The following GRM7 variants were observed in gnomAD, a reference collection of about 807,000 sequenced individuals.
GRM7 encodes the protein metabotropic glutamate receptor 7.
A neutral mutation model predicts 84.5 loss-of-function variants in GRM7; 35 were observed. The observed-to-expected ratio is 0.41, with a 90% CI of 0.32 to 0.55. The LOEUF is 0.55. GRM7 is among the 20% of genes least tolerant of loss of function. GRM7 has a pLI of 0.19. For synonymous variants in GRM7, 487 were observed against 455.1 expected, an observed-to-expected ratio of 1.07 and a Z score of -0.89; for missense variants, 1,003 against 1,194.6, an observed-to-expected ratio of 0.84 and a Z score of 2.36.
chr3:7,489,856 T>G (rs1699458000), intron 7 of GRM7, among the ~76,000 whole-genome samples: 1 of 151,918 alleles, frequency 6.6e-6, no homozygotes, highest in South Asian at 2.1e-4. Flanking sequence ...AACAGCATAT[T>G]ATAAATAATA....
At chr3:7,069,826 C>T (rs73808632) in intron 1 of GRM7, among the ~76,000 whole-genome samples, 18,359 of 152,026 alleles carry the variant, frequency 0.12, 1,627 homozygotes, top group African/African-American at 0.25. Flanking sequence ...ATGGTATACT[C>T]TGGTCTGGCT....
intron 1 of GRM7, among the ~76,000 whole-genome samples, chr3:7,091,693 AGTCT>A: frequency 6.7e-6 from 1 of 149,882 alleles, no homozygotes. Flanking sequence ...TTTGGAGTAA[AGTCT>A]ATATAAATAA....
At chr3:7,482,427 A>G (rs975146851) in intron 7 of GRM7, among the ~76,000 whole-genome samples, 1 of 152,228 alleles carries the variant, frequency 6.6e-6, no homozygotes, top group African/African-American at 2.4e-5. Flanking sequence ...GTAGGTAACC[A>G]TGTCCCATTA....
chr3:7,338,956 T>C (rs1370995739), intron 4 of GRM7, among the ~76,000 whole-genome samples: 1 of 151,530 alleles, frequency 6.6e-6, no homozygotes, highest in African/African-American at 2.4e-5. Context: ...AAAACAATAC[T>C]CCTACCTGGC....
chr3:7,214,462 G>A (rs1355166090), intron 2 of GRM7, among the ~76,000 whole-genome samples: 1 of 152,152 alleles, frequency 6.6e-6, no homozygotes, highest in African/African-American at 2.4e-5. Flanking sequence ...CACATCTTTA[G>A]CATCTTATTG....
intron 4 of GRM7, among the ~76,000 whole-genome samples, chr3:7,324,323 G>A (rs1469612876): frequency 6.6e-6 from 1 of 152,154 alleles, no homozygotes; most frequent in African/African-American, 2.4e-5. Flanking sequence ...AAGAAGTGGA[G>A]GAATCACTTC....
chr3:7,239,080 C>A lies in GRM7; in HGVS notation c.737-59604C>A, dbSNP rs186745021. ...AATCATGACTCACTGAAGCCTGCAG[C>A]CTTGACCTCCCTGGGCTCAAGTGAT... On this transcript the variant is annotated intron_variant, in intron 2 of 9. Transcript: ENST00000357716. 3.8e-3 allele frequency among the ~76,000 whole-genome samples: 569 copies of A among 149,236 alleles called. 1 individual carries two copies. The highest frequency in any genetic ancestry group is 0.013 in the African/African-American group (545 of 40,504).
chr3:6,956,722 A>T (rs1693070845), intron 1 of GRM7: 1 of 447,796 alleles, frequency 2.2e-6, no homozygotes, highest in South Asian at 1.6e-5. Context: ...ATATCTCACA[A>T]TTGAGTGTTC....
At chr3:7,488,465 G>A (rs571853323) in intron 7 of GRM7, among the ~76,000 whole-genome samples, 5 of 152,238 alleles carry the variant, frequency 3.3e-5, no homozygotes, top group South Asian at 4.2e-4. Flanking sequence ...TCTCATGAAG[G>A]GATTAACAGT....
intron 4 of GRM7, among the ~76,000 whole-genome samples, chr3:7,366,896 G>C (rs1450389450): frequency 8.4e-6 from 1 of 118,814 alleles, no homozygotes; most frequent in Non-Finnish European, 1.7e-5. Context: ...AACTGGTAGA[G>C]ATAAATTATA....
At chr3:7,530,818 C>T (rs1313542727) in intron 7 of GRM7, among the ~76,000 whole-genome samples, 3 of 146,466 alleles carry the variant, frequency 2.0e-5, no homozygotes, top group African/African-American at 2.5e-5. Flanking sequence ...AAATTTGTTT[C>T]TTTGTGGATT....
At chr3:7,565,084 A>G (rs941758749) in intron 7 of GRM7, among the ~76,000 whole-genome samples, 2 of 152,228 alleles carry the variant, frequency 1.3e-5, no homozygotes, top group Non-Finnish European at 2.9e-5. Context: ...TTTAAGCTGC[A>G]AACATTCATT....
chr3:7,728,232 G>T (rs1702199001), intron 9 of GRM7, among the ~76,000 whole-genome samples: 1 of 152,198 alleles, frequency 6.6e-6, no homozygotes, highest in Non-Finnish European at 1.5e-5. Flanking sequence ...GTGTGTTCTT[G>T]TGGCCCAATA....
At chr3:7,285,414 A>T (rs1340683145) in intron 2 of GRM7, among the ~76,000 whole-genome samples, 2 of 152,080 alleles carry the variant, frequency 1.3e-5, no homozygotes, top group African/African-American at 4.8e-5. Flanking sequence ...CTGTGTTGTT[A>T]TCGTGTGTTT....
chr3:7,393,503 C>T (rs902075128), intron 4 of GRM7, among the ~76,000 whole-genome samples: 2 of 152,190 alleles, frequency 1.3e-5, no homozygotes, highest in African/African-American at 4.8e-5. Flanking sequence ...GCTGGACAAG[C>T]TACCTGGAAC....
At chr3:7,315,126 A>C (rs1251283093) in intron 4 of GRM7, among the ~76,000 whole-genome samples, 1 of 152,212 alleles carries the variant, frequency 6.6e-6, no homozygotes, top group African/African-American at 2.4e-5. Flanking sequence ...ACAAAACAAA[A>C]CAAAAAAACA....
At chr3:7,060,636 T>G (rs1432850520) in intron 1 of GRM7, among the ~76,000 whole-genome samples, 1 of 151,722 alleles carries the variant, frequency 6.6e-6, no homozygotes, top group Admixed American at 6.6e-5. Flanking sequence ...CCACTCAAGT[T>G]TGGTCATTTA....
intron 2 of GRM7, among the ~76,000 whole-genome samples, chr3:7,215,024 A>G (rs946092657): frequency 1.2e-4 from 19 of 152,190 alleles, no homozygotes; most frequent in Admixed American, 2.6e-4. Context: ...TGATGAAATC[A>G]TATACTTGTT....
At position 7,099,329 on chromosome 3, in the gene GRM7, A is replaced by G. The variant is rs58339605; in HGVS notation, c.520-47123A>G. Among the ~76,000 whole-genome samples the G allele has an allele frequency of 2.9e-3, 431 of 147,076 alleles. 1 individual carries two copies. The highest frequency in any genetic ancestry group is 0.01 in the African/African-American group (400 of 39,468). On this transcript the variant is annotated intron_variant, in intron 1 of 9. Coordinates refer to ENST00000357716, the MANE Select transcript of GRM7 (RefSeq NM_000844.4). ...ACATGTATTATACATGTATATATGT[A>G]CACATGTATTATACATGTATATATG...
Sources: gnomAD v4.1 joint callset for allele counts (sites outside exome capture counted in the v4.1 genomes callset) on GRCh38, gnomAD v4.1.1 for gene constraint, MANE v1.5 for transcripts, NCBI Gene and HGNC (gene_info 2026-07-23, HGNC 2026-07-21) for gene names.